The following ST3GAL3 variants were observed in gnomAD, a reference collection of about 807,000 sequenced individuals.
The protein encoded by ST3GAL3 is ST3 beta-galactoside alpha-2,3-sialyltransferase 3.
Under a neutral mutation model 50.1 loss-of-function variants are expected in ST3GAL3, and 21 were observed. That is an observed-to-expected ratio of 0.42 (90% CI 0.30 to 0.60). The LOEUF (loss-of-function observed/expected upper bound fraction) is 0.60, where lower values mean the gene tolerates loss of function less well. Ranked by LOEUF, ST3GAL3 falls within the 20% of genes least tolerant of loss-of-function variation. The pLI is 0.19. For missense variants in ST3GAL3, 353 were observed against 489.4 expected (o/e 0.72, Z 2.63); for synonymous variants, 183 against 190.0 (o/e 0.96, Z 0.30).
intron 2 of ST3GAL3, among the ~76,000 whole-genome samples, chr1:43,773,212 C>G (rs1695969268): frequency 6.6e-6 from 1 of 152,152 alleles, no homozygotes; most frequent in South Asian, 2.1e-4. Context: ...ATCTGGGGAG[C>G]CACATCCACC....
At chr1:43,798,416 A>G (rs2058938032) in intron 3 of ST3GAL3, among the ~76,000 whole-genome samples, 2 of 151,994 alleles carry the variant, frequency 1.3e-5, no homozygotes, top group African/African-American at 4.8e-5. Context: ...CCTGAGTCCT[A>G]CTTAACCTCT....
chr1:43,904,630 C>T lies in ST3GAL3; in HGVS notation c.744+4903C>T, dbSNP rs372351758. Reference sequence around the variant, plus strand: ...TCTTCCTCACTGTCTTCTGTAAGCTCTTGGTCACTGCCTCATAATTATTAC... The same window carrying T: ...TCTTCCTCACTGTCTTCTGTAAGCTTTTGGTCACTGCCTCATAATTATTAC... On this transcript the variant is annotated intron_variant, in intron 9 of 11. Coordinates refer to ENST00000347631, the MANE Select transcript of ST3GAL3 (RefSeq NM_006279.5). Among the ~76,000 whole-genome samples the T allele has an allele frequency of 1.4e-4, 22 of 151,930 alleles. No homozygotes were observed. In the East Asian group the frequency reaches 2.3e-3, roughly 16 times the overall value.
chr1:43,851,604 C>G (rs1337701801), intron 5 of ST3GAL3: 1 of 1,335,630 alleles, frequency 7.5e-7, no homozygotes, highest in Non-Finnish European at 1.1e-6. Context: ...CAATCCAGCC[C>G]TCTGCCGGTA....
intron 9 of ST3GAL3, chr1:43,911,728 C>G (rs1322033701): frequency 6.6e-6 from 1 of 150,598 alleles, no homozygotes; most frequent in Non-Finnish European, 1.5e-5. Context: ...GGCTATGTCA[C>G]CCAGGCTGGA....
intron 1 of ST3GAL3, among the ~76,000 whole-genome samples, chr1:43,711,210 G>A (rs77151807): frequency 0.013 from 2,022 of 152,292 alleles, 51 homozygotes; most frequent in African/African-American, 0.047. Flanking sequence ...TTCATGTGAC[G>A]TGTCCAGCAT....
In ST3GAL3 at chr1:43,737,164, A is replaced by T. The variant is rs1410740540; in HGVS notation, c.118+784A>T. 1 of 152,700 alleles carries T rather than the reference A, an allele frequency of 6.5e-6. No individual in the cohort carries two copies. The highest frequency in any genetic ancestry group is 6.5e-5 in the Admixed American group (1 of 15,330). The allele number at this position is 152,700 out of a possible 1,614,324, so 9.5% of individuals were successfully genotyped here. ...TTTTTGGTTATTTTGTCTGACTGTT[A>T]TCTGAGCTTGGTGTGGGAAATAGTA... On this transcript the variant is annotated intron_variant, in intron 2 of 11. Transcript: ENST00000347631. The surrounding 1 kb of genome is among the most constrained non-coding windows in gnomAD (Gnocchi z 4.0).
At chr1:43,867,707 C>T (rs1032722772) in intron 5 of ST3GAL3, among the ~76,000 whole-genome samples, 1 of 152,220 alleles carries the variant, frequency 6.6e-6, no homozygotes, top group African/African-American at 2.4e-5. Flanking sequence ...CTAGCTTGCT[C>T]TAACCCTGCC....
At chr1:43,850,899 A>G (rs1266502975) in intron 5 of ST3GAL3, 7 of 1,252,628 alleles carry the variant, frequency 5.6e-6, no homozygotes, top group Non-Finnish European at 8.2e-6. Flanking sequence ...GTTGTACAGA[A>G]TCTCTTTGCC....
chr1:43,879,415 C>A (rs1234834314), intron 5 of ST3GAL3: 1 of 456,050 alleles, frequency 2.2e-6, no homozygotes, highest in Non-Finnish European at 4.4e-6. Flanking sequence ...AGAGAATGGA[C>A]TCTGAGAGAA....
intron 5 of ST3GAL3, among the ~76,000 whole-genome samples, chr1:43,890,125 T>A (rs990165845): frequency 6.6e-6 from 1 of 152,108 alleles, no homozygotes; most frequent in Admixed American, 6.6e-5. Flanking sequence ...CAAAAAAAAA[T>A]TATAGTTAAA....
At chr1:43,900,935 G>A (rs1462660983) in intron 9 of ST3GAL3, 1 of 152,330 alleles carries the variant, frequency 6.6e-6, no homozygotes, top group Non-Finnish European at 1.5e-5. Flanking sequence ...GGGAGGAAAG[G>A]GCCAGGCAGC....
chr1:43,760,398 A>C (rs1558177842), intron 2 of ST3GAL3, among the ~76,000 whole-genome samples: 1 of 152,344 alleles, frequency 6.6e-6, no homozygotes, highest in East Asian at 1.9e-4. Context: ...GATGTGTATA[A>C]CTCAGTGAAC....
At position 43,765,834 on chromosome 1, in the gene ST3GAL3, G is replaced by T. The variant is rs1311900084; in HGVS notation, c.119-26268G>T. ...GTCCGCGTGCGCTTTTTTTTTAGTG[G>T]TATAGGAGAAGATTGAGAAGCTTCT... On this transcript the variant is annotated intron_variant, in intron 2 of 11. Coordinates refer to ENST00000347631, the MANE Select transcript of ST3GAL3 (RefSeq NM_006279.5). Among the ~76,000 whole-genome samples, 7 of 151,514 alleles carry T rather than the reference G, an allele frequency of 4.6e-5. No individual in the cohort carries two copies. In the East Asian group the frequency reaches 1.4e-3, roughly 30 times the overall value.
intron 2 of ST3GAL3, among the ~76,000 whole-genome samples, chr1:43,789,614 TA>T (rs1192559113): frequency 6.6e-6 from 1 of 152,116 alleles, no homozygotes; most frequent in East Asian, 1.9e-4. Context: ...CTCGTGCCTG[TA>T]ATCCCAACAT....
chr1:43,865,091 A>C (rs1275002354), intron 5 of ST3GAL3, among the ~76,000 whole-genome samples: 1 of 149,278 alleles, frequency 6.7e-6, no homozygotes, highest in Non-Finnish European at 1.5e-5. Flanking sequence ...ATCTCGGCTC[A>C]CTGCAAGCTC....
intron 1 of ST3GAL3, among the ~76,000 whole-genome samples, chr1:43,714,232 C>T (rs1052738843): frequency 6.7e-6 from 1 of 149,234 alleles, no homozygotes; most frequent in Admixed American, 6.7e-5. Context: ...CCACTGCACT[C>T]CAGCCTGGGT....
At chr1:43,926,513 C>T (rs1051559502) in intron 11 of ST3GAL3, among the ~76,000 whole-genome samples, 3 of 151,970 alleles carry the variant, frequency 2.0e-5, no homozygotes, top group Admixed American at 2.0e-4. Context: ...CGCTTGAACT[C>T]GGGAGGCAGA....
intron 9 of ST3GAL3, among the ~76,000 whole-genome samples, chr1:43,904,512 G>A (rs1253190169): frequency 6.6e-6 from 1 of 151,958 alleles, no homozygotes; most frequent in African/African-American, 2.4e-5. Flanking sequence ...GGGAGGGCCA[G>A]GAGATTTCAC....
chr1:43,850,370 C>T, intron 5 of ST3GAL3: 1 of 559,700 alleles, frequency 1.8e-6, no homozygotes, highest in South Asian at 1.5e-5. Context: ...CCTGCACACA[C>T]CCCTGGTATT....
Sources: gnomAD v4.1 joint callset for allele counts (sites outside exome capture counted in the v4.1 genomes callset) on GRCh38, gnomAD v4.1.1 for gene constraint, Gnocchi (gnomAD v3.1) non-coding constraint, MANE v1.5 for transcripts, NCBI Gene and HGNC (gene_info 2026-07-23, HGNC 2026-07-21) for gene names.